Variants in EYS observed in about 807,000 individuals in gnomAD.
EYS encodes the protein protein eyes shut homolog.
A neutral mutation model predicts 282.1 loss-of-function variants in EYS; 250 were observed. The ratio of observed to expected loss-of-function variants is 0.89; its 90% CI spans 0.80 to 0.98. The LOEUF (loss-of-function observed/expected upper bound fraction) is 0.98, where lower values mean the gene tolerates loss of function less well. Among genes scored for constraint, EYS ranks in the 50% least tolerant of loss-of-function variants. The pLI is 0.00. For missense variants in EYS, 4,016 were observed against 3,709.0 expected (o/e 1.08, Z -2.15); for synonymous variants, 1,355 against 1,282.9 (o/e 1.06, Z -1.20).
intron 26 of EYS, among the ~76,000 whole-genome samples, chr6:64,545,994 C>G (rs1022273205): frequency 1.3e-5 from 2 of 152,152 alleles, no homozygotes; most frequent in African/African-American, 4.8e-5. Flanking sequence ...TTAACAATGA[C>G]TTTCTTCACA....
chr6:65,593,127 G>C (rs914270499), intron 2 of EYS, among the ~76,000 whole-genome samples: 40 of 152,056 alleles, frequency 2.6e-4, no homozygotes, highest in African/African-American at 9.6e-4. Flanking sequence ...TCTCTGATGC[G>C]TAACCATTAA....
intron 12 of EYS, among the ~76,000 whole-genome samples, chr6:65,170,142 C>T (rs1479918924): frequency 2.0e-5 from 3 of 151,352 alleles, no homozygotes; most frequent in Admixed American, 6.6e-5. Context: ...TACCAAAGAA[C>T]CCCATGGTGA....
intron 22 of EYS, among the ~76,000 whole-genome samples, chr6:64,629,226 G>A (rs1466482082): frequency 5.9e-5 from 9 of 152,060 alleles, no homozygotes; most frequent in Non-Finnish European, 4.4e-5. Flanking sequence ...TTACACTGGT[G>A]TTATATGTTT....
At chr6:64,608,469 C>T (rs9445030) in intron 24 of EYS, among the ~76,000 whole-genome samples, 75,426 of 151,910 alleles carry the variant, frequency 0.5, 18,857 homozygotes, top group South Asian at 0.65. Flanking sequence ...ATTTCTTGTG[C>T]GAATGCAAAA....
intron 35 of EYS, among the ~76,000 whole-genome samples, chr6:63,953,739 A>G (rs148976755): frequency 1.3e-5 from 2 of 152,128 alleles, no homozygotes; most frequent in African/African-American, 4.8e-5. Context: ...CTGCTCCCAT[A>G]CTAGCTCTCC....
In EYS at chr6:65,306,832, C is replaced by CAAAA. The variant is rs201743269; in HGVS notation, c.1767-10717_1767-10714dup. Among the ~76,000 whole-genome samples the CAAAA allele has an allele frequency of 9.8e-3, 509 of 51,768 alleles. 17 individuals are homozygous for CAAAA. The highest frequency in any genetic ancestry group is 0.017 in the Middle Eastern group (1 of 60). The allele number at this position is 51,768 out of a possible 152,430, so 34.0% of individuals were successfully genotyped here. ...TGGGCAGCAGAGCAAGAGTCCGTCT[C>CAAAA]AAAAAAAAAAAAAAAAAAAAAAAAA... On this transcript the variant is annotated intron_variant, in intron 11 of 42. Transcript: ENST00000503581.
intron 33 of EYS, among the ~76,000 whole-genome samples, chr6:64,017,656 C>T (rs975652270): frequency 1.3e-5 from 2 of 152,140 alleles, no homozygotes; most frequent in Non-Finnish European, 2.9e-5. Context: ...TTAGACAAAC[C>T]ATTTTTCTTT....
At chr6:64,238,680 A>G (rs1035088217) in intron 30 of EYS, among the ~76,000 whole-genome samples, 1 of 152,148 alleles carries the variant, frequency 6.6e-6, no homozygotes, top group Non-Finnish European at 1.5e-5. Context: ...TCCATCCTAA[A>G]ACTACACCAT....
chr6:65,215,987 C>T (rs1220968835), intron 12 of EYS, among the ~76,000 whole-genome samples: 1 of 152,038 alleles, frequency 6.6e-6, no homozygotes, highest in Non-Finnish European at 1.5e-5. Flanking sequence ...CACTAGAGAA[C>T]AAAAATATTT....
intron 15 of EYS, among the ~76,000 whole-genome samples, chr6:64,929,633 C>G (rs1021580267): frequency 4.6e-5 from 7 of 152,108 alleles, no homozygotes; most frequent in African/African-American, 1.7e-4. Context: ...AGAAAGTATA[C>G]TTAACTCCTG....
At chr6:65,475,281 G>A (rs1194110170) in intron 5 of EYS, among the ~76,000 whole-genome samples, 2 of 151,994 alleles carry the variant, frequency 1.3e-5, no homozygotes, top group African/African-American at 4.8e-5. Flanking sequence ...TTGGTTTTGG[G>A]TCATAAAAAC....
chr6:64,653,650 A>G (rs1396052324), intron 22 of EYS, among the ~76,000 whole-genome samples: 1 of 151,594 alleles, frequency 6.6e-6, no homozygotes, highest in Non-Finnish European at 1.5e-5. Context: ...CTGCAGCCTC[A>G]ACCTTTTGGG....
chr6:64,300,631 C>T (rs774245920), intron 30 of EYS, among the ~76,000 whole-genome samples: 11 of 152,124 alleles, frequency 7.2e-5, no homozygotes, highest in Non-Finnish European at 5.9e-5. Context: ...GGAATTCGCC[C>T]ATTTTTGTCA....
At chr6:64,720,035 G>T (rs776725337) in intron 22 of EYS, among the ~76,000 whole-genome samples, 1 of 152,176 alleles carries the variant, frequency 6.6e-6, no homozygotes, top group Non-Finnish European at 1.5e-5. Flanking sequence ...CAATACAAAT[G>T]TATTGTCTCC....
intron 11 of EYS, among the ~76,000 whole-genome samples, chr6:65,313,741 G>A (rs1359442361): frequency 6.6e-6 from 1 of 152,168 alleles, no homozygotes; most frequent in Non-Finnish European, 1.5e-5. Context: ...ACGTGGCCTT[G>A]TAATTGCCTC....
At chr6:64,403,393 G>A (rs979806627) in intron 28 of EYS, among the ~76,000 whole-genome samples, 1 of 151,972 alleles carries the variant, frequency 6.6e-6, no homozygotes, top group African/African-American at 2.4e-5. Flanking sequence ...GTCTCGCTCT[G>A]TCACCCAGGG....
At chr6:65,251,843 C>T (rs1362151148) in intron 12 of EYS, among the ~76,000 whole-genome samples, 9 of 151,926 alleles carry the variant, frequency 5.9e-5, no homozygotes, top group Admixed American at 4.6e-4. Context: ...ATACCAGATT[C>T]CTTCCCCATC....
intron 8 of EYS, among the ~76,000 whole-genome samples, chr6:65,382,483 G>GTGTA (rs1765655208): frequency 6.6e-6 from 1 of 151,202 alleles, no homozygotes; most frequent in Non-Finnish European, 1.5e-5. Flanking sequence ...GTGTGTGTGT[G>GTGTA]TGTGTGTGTG....
intron 40 of EYS, among the ~76,000 whole-genome samples, chr6:63,765,785 C>T (rs1413647822): frequency 6.6e-6 from 1 of 151,964 alleles, no homozygotes; most frequent in Non-Finnish European, 1.5e-5. Flanking sequence ...CCATCCCCAC[C>T]TCCCTGTTAC....
Sources: allele counts gnomAD v4.1 joint callset (sites outside exome capture counted in the v4.1 genomes callset), GRCh38; gene constraint gnomAD v4.1.1; transcripts MANE v1.5; gene names NCBI Gene and HGNC (gene_info 2026-07-23, HGNC 2026-07-21).